Variants in BMP2K observed in about 807,000 individuals in gnomAD.
The protein encoded by BMP2K is BMP-2-inducible protein kinase.
In BMP2K, 74 loss-of-function variants were observed where a neutral mutation model predicts 116.0. That is an observed-to-expected ratio of 0.64 (90% CI 0.53 to 0.77). The LOEUF (loss-of-function observed/expected upper bound fraction) is 0.77. Among genes scored for constraint, BMP2K ranks in the 30% least tolerant of loss-of-function variants. The probability of loss-of-function intolerance (pLI) is 0.00; values close to 1 mark genes in which losing one functional copy is unlikely to be tolerated. For missense variants in BMP2K, 1,365 were observed against 1,403.6 expected (o/e 0.97, Z 0.44); for synonymous variants, 486 against 502.5 (o/e 0.97, Z 0.44).
At chr4:78,886,150 C>T (rs989556023) in intron 14 of BMP2K, among the ~76,000 whole-genome samples, 3 of 152,124 alleles carry the variant, frequency 2.0e-5, no homozygotes, top group Non-Finnish European at 4.4e-5. Flanking sequence ...TGTGAGCCCC[C>T]ATCCCTGAAC....
chr4:78,833,717 T>TA (rs1175837795), intron 3 of BMP2K, 30 bp downstream of exon 3: 1 of 1,501,760 alleles, frequency 6.7e-7, no homozygotes, highest in African/African-American at 1.4e-5. Context: ...TGTACTGTAA[T>TA]AAAAAGTTTC....
rs576631175 is a variant in BMP2K, at chr4:78,824,020, A to G, written c.179-2017A>G. Among the ~76,000 whole-genome samples, 8 of 152,270 alleles carry G rather than the reference A, an allele frequency of 5.3e-5. No homozygotes were observed. In the East Asian group the frequency reaches 1.3e-3, roughly 26 times the overall value. On this transcript the variant is annotated intron_variant, in intron 1 of 15. Coordinates refer to ENST00000502613, the MANE Select transcript of BMP2K (RefSeq NM_198892.2). ...ATGTTTACATATGAAATTAGTGCTA[A>G]GTGAGTTTCTTTTAAAGTAATGCCC...
intron 7 of BMP2K, among the ~76,000 whole-genome samples, chr4:78,855,226 C>T (rs1402299271): frequency 6.6e-6 from 1 of 152,030 alleles, no homozygotes; most frequent in Non-Finnish European, 1.5e-5. Flanking sequence ...ATAACAATGT[C>T]TGTAGGTTAA....
intron 7 of BMP2K, among the ~76,000 whole-genome samples, chr4:78,852,409 A>G (rs1448490080): frequency 6.6e-6 from 1 of 152,146 alleles, no homozygotes; most frequent in Non-Finnish European, 1.5e-5. Context: ...GGTTGAAAAA[A>G]CATAAAAGCA....
At chr4:78,808,680 G>A (rs1374797318) in intron 1 of BMP2K, among the ~76,000 whole-genome samples, 1 of 152,128 alleles carries the variant, frequency 6.6e-6, no homozygotes. Flanking sequence ...TCACCTGAAA[G>A]TATTTTCTCA....
chr4:78,814,093 A>G (rs2109977835), intron 1 of BMP2K, among the ~76,000 whole-genome samples: 1 of 152,342 alleles, frequency 6.6e-6, no homozygotes, highest in East Asian at 1.9e-4. Flanking sequence ...ACTTGGAATG[A>G]GATGAAAAGT....
intron 3 of BMP2K, among the ~76,000 whole-genome samples, chr4:78,840,918 A>AT (rs902230041): frequency 6.6e-6 from 1 of 152,178 alleles, no homozygotes; most frequent in African/African-American, 2.4e-5. Context: ...AAGGATGTGA[A>AT]TGTACACCAA....
chr4:78,851,925 T>C (rs1463742233), intron 7 of BMP2K, among the ~76,000 whole-genome samples: 1 of 152,094 alleles, frequency 6.6e-6, no homozygotes, highest in Non-Finnish European at 1.5e-5. Flanking sequence ...CCCAGACTCA[T>C]GAACCCAAAC....
In BMP2K at chr4:78,838,154, T is replaced by C. The variant is rs552350505; in HGVS notation, c.404-4231T>C. On this transcript the variant is annotated intron_variant, in intron 3 of 15. Coordinates refer to ENST00000502613, the MANE Select transcript of BMP2K (RefSeq NM_198892.2). Reference sequence around the variant, plus strand: ...GATGGCAGCAGACAGAGAGGGTTTGTGCAGGGTAATGTCCCTTTTACATCC... The same window carrying C: ...GATGGCAGCAGACAGAGAGGGTTTGCGCAGGGTAATGTCCCTTTTACATCC... Among the ~76,000 whole-genome samples, 299 of 152,318 alleles carry C rather than the reference T, an allele frequency of 2.0e-3. 1 individual carries two copies. Among genetic ancestry groups the C allele is most frequent in the African/African-American group, 6.5e-3 (272 of 41,582 alleles).
At chr4:78,837,562 G>T (rs1344620198) in intron 3 of BMP2K, among the ~76,000 whole-genome samples, 1 of 152,076 alleles carries the variant, frequency 6.6e-6, no homozygotes, top group Non-Finnish European at 1.5e-5. Flanking sequence ...AGATACTGGG[G>T]GGAAAAATAC....
At chr4:78,858,894 G>T (rs1045914322) in intron 7 of BMP2K, among the ~76,000 whole-genome samples, 1 of 151,904 alleles carries the variant, frequency 6.6e-6, no homozygotes, top group Admixed American at 6.6e-5. Context: ...TATCCAAGAA[G>T]TGGAGTACTA....
intron 7 of BMP2K, among the ~76,000 whole-genome samples, chr4:78,852,041 C>A (rs1270354916): frequency 6.6e-6 from 1 of 151,764 alleles, no homozygotes; most frequent in African/African-American, 2.4e-5. Flanking sequence ...CAAAAAAGGT[C>A]AAAAATGACC....
chr4:78,870,724 T>A, intron 10 of BMP2K, 59 bp from the exon 11 acceptor site: 1 of 1,541,408 alleles, frequency 6.5e-7, no homozygotes, highest in East Asian at 2.3e-5. Flanking sequence ...CATGTTGAAA[T>A]CCAGCTTTTT....
intron 1 of BMP2K, among the ~76,000 whole-genome samples, chr4:78,792,336 A>G (rs1343666688): frequency 6.6e-6 from 1 of 152,206 alleles, no homozygotes; most frequent in Non-Finnish European, 1.5e-5. Context: ...TTTGCTGCAT[A>G]AGGAAGCAGT....
chr4:78,834,039 T>G (rs528958359), intron 3 of BMP2K, among the ~76,000 whole-genome samples: 1 of 152,252 alleles, frequency 6.6e-6, no homozygotes, highest in Admixed American at 6.5e-5. Flanking sequence ...TTTCCAGAAC[T>G]CTACTACGTT....
intron 1 of BMP2K, among the ~76,000 whole-genome samples, chr4:78,808,676 G>A (rs1304457243): frequency 6.6e-6 from 1 of 152,104 alleles, no homozygotes; most frequent in Non-Finnish European, 1.5e-5. Flanking sequence ...TGATTCACCT[G>A]AAAGTATTTT....
chr4:78,833,688 G>T lies in BMP2K; in HGVS notation c.403+1G>T. On this transcript the variant is annotated splice_donor_variant, in intron 3 of 15. Transcript: ENST00000502613. LOFTEE classifies it high-confidence loss of function. ...CTTATCTTAATGGAATATTGTCGAGGTAAGTATTTTTTTGCATTTGTACTG... is the reference window on the plus strand; with the variant it reads ...CTTATCTTAATGGAATATTGTCGAGTTAAGTATTTTTTTGCATTTGTACTG... 1 of 1,592,908 alleles carries T rather than the reference G, an allele frequency of 6.3e-7. No homozygotes were observed. Among genetic ancestry groups the T allele is most frequent in the Non-Finnish European group, 8.5e-7 (1 of 1,170,984 alleles).
In BMP2K at chr4:78,776,569, A is replaced by G; in HGVS notation, c.26A>G (p.Lys9Arg). MKKFSRMP[K>R]SEGGSGGGAA... is the part of the protein sequence containing the mutation. Reference sequence around the variant, plus strand: ...ATGAAGAAGTTCTCTCGGATGCCCAAGTCGGAGGGCGGCAGCGGCGGCGGA... The same window carrying G: ...ATGAAGAAGTTCTCTCGGATGCCCAGGTCGGAGGGCGGCAGCGGCGGCGGA... Residue 9 changes from lysine to arginine, a missense_variant, in exon 1 of 16, where the codon AAG (lysine) becomes AGG (arginine). Around this residue, in one of 3 missense-constraint regions of BMP2K, gnomAD observed 762 missense variants for 756.7 expected, o/e 1.01. Transcript: ENST00000502613. The G allele has an allele frequency of 8.7e-7, 1 of 1,144,962 alleles. No homozygotes were observed. The allele number at this position is 1,144,962 out of a possible 1,614,324, so 70.9% of individuals were successfully genotyped here. A position where few individuals can be genotyped will look rare whatever the true frequency, so the allele number is the denominator to read the frequency against.
At chr4:78,809,185 G>T (rs75378827) in intron 1 of BMP2K, among the ~76,000 whole-genome samples, 1 of 152,012 alleles carries the variant, frequency 6.6e-6, no homozygotes, top group Non-Finnish European at 1.5e-5. Context: ...TGGCTCTTTT[G>T]TCATTTCTTT....
Sources: gnomAD v4.1 joint callset for allele counts (sites outside exome capture counted in the v4.1 genomes callset) on GRCh38, gnomAD v4.1.1 for gene constraint, gnomAD v4.1.1 regional missense constraint, MANE v1.5 for transcripts, NCBI Gene and HGNC (gene_info 2026-07-23, HGNC 2026-07-21) for gene names.